Variants in GRIK2 observed in about 807,000 individuals in gnomAD.
The protein encoded by GRIK2 is glutamate ionotropic receptor kainate type subunit 2.
A neutral mutation model predicts 100.3 loss-of-function variants in GRIK2; 32 were observed. That is an observed-to-expected ratio of 0.32 (90% CI 0.24 to 0.43). The LOEUF (loss-of-function observed/expected upper bound fraction) is 0.43. GRIK2 is among the 20% of genes least tolerant of loss of function. GRIK2 has a pLI of 1.00. For synonymous variants in GRIK2, 417 were observed against 389.4 expected, an observed-to-expected ratio of 1.07 and a Z score of -0.83; for missense variants, 843 against 1,114.9, an observed-to-expected ratio of 0.76 and a Z score of 3.47.
intron 2 of GRIK2, among the ~76,000 whole-genome samples, chr6:101,559,086 G>T (rs1776876124): frequency 6.6e-6 from 1 of 151,858 alleles, no homozygotes; most frequent in African/African-American, 2.4e-5. Context: ...TAAAATACTT[G>T]CTGTGTCTTC....
intron 2 of GRIK2, among the ~76,000 whole-genome samples, chr6:101,429,424 T>A (rs1344408101): frequency 6.6e-6 from 1 of 152,224 alleles, no homozygotes; most frequent in African/African-American, 2.4e-5. Context: ...TTCAGCAGGG[T>A]AATTCACAGC....
chr6:101,789,879 C>A (rs1281184640), intron 7 of GRIK2, among the ~76,000 whole-genome samples: 1 of 152,132 alleles, frequency 6.6e-6, no homozygotes, highest in Non-Finnish European at 1.5e-5. Context: ...TCTTTTATTT[C>A]ATTGAGCAGT....
chr6:101,705,605 T>C (rs2128355356), intron 7 of GRIK2, among the ~76,000 whole-genome samples: 1 of 151,920 alleles, frequency 6.6e-6, no homozygotes, highest in East Asian at 1.9e-4. Flanking sequence ...GTGGTGGAAT[T>C]TTTCCTGAAA....
chr6:101,435,722 A>T (rs1769677883), intron 2 of GRIK2, among the ~76,000 whole-genome samples: 1 of 151,600 alleles, frequency 6.6e-6, no homozygotes, highest in Admixed American at 6.6e-5. Flanking sequence ...TCTTTTCAGA[A>T]CCCACTTTCT....
intron 12 of GRIK2, among the ~76,000 whole-genome samples, chr6:101,903,114 T>C (rs1361735138): frequency 1.3e-5 from 2 of 151,942 alleles, no homozygotes; most frequent in Non-Finnish European, 2.9e-5. Flanking sequence ...AAGAGCAACC[T>C]GCAAAAGTCT....
At chr6:101,810,436 G>A (rs1019691683) in intron 9 of GRIK2, among the ~76,000 whole-genome samples, 2 of 151,788 alleles carry the variant, frequency 1.3e-5, no homozygotes, top group South Asian at 4.1e-4. Flanking sequence ...TATAGTTCTC[G>A]AATGGTAAAA....
intron 14 of GRIK2, among the ~76,000 whole-genome samples, chr6:102,028,661 T>A (rs547006220): frequency 9.0e-5 from 13 of 144,530 alleles, no homozygotes; most frequent in Non-Finnish European, 1.9e-4. Flanking sequence ...TTTAATTGAT[T>A]CTCTTGGCTT....
chr6:101,515,798 T>C (rs1203141721), intron 2 of GRIK2, among the ~76,000 whole-genome samples: 1 of 152,204 alleles, frequency 6.6e-6, no homozygotes, highest in Non-Finnish European at 1.5e-5. Context: ...TTGAGTTTGT[T>C]GTAGATTATG....
chr6:102,044,066 G>A (rs909495885), intron 15 of GRIK2, among the ~76,000 whole-genome samples: 14 of 151,702 alleles, frequency 9.2e-5, no homozygotes, highest in Non-Finnish European at 1.6e-4. Context: ...CTCATACAGA[G>A]GAATACCATT....
intron 2 of GRIK2, among the ~76,000 whole-genome samples, chr6:101,539,766 A>C (rs553898640): frequency 6.6e-6 from 1 of 151,864 alleles, no homozygotes; most frequent in African/African-American, 2.4e-5. Flanking sequence ...ACATGAAAAA[A>C]ATTTTGTTTT....
intron 7 of GRIK2, among the ~76,000 whole-genome samples, chr6:101,753,713 T>C (rs1018847964): frequency 2.0e-5 from 3 of 152,082 alleles, no homozygotes; most frequent in Non-Finnish European, 2.9e-5. Flanking sequence ...GTGGGTCTTC[T>C]ATTTTTGCTG....
intron 2 of GRIK2, among the ~76,000 whole-genome samples, chr6:101,414,851 T>C (rs972908456): frequency 3.3e-5 from 5 of 152,082 alleles, no homozygotes; most frequent in Admixed American, 6.6e-5. Flanking sequence ...GTAGAAGATA[T>C]GGGATATGCA....
At chr6:101,723,921 T>G (rs1479883658) in intron 7 of GRIK2, among the ~76,000 whole-genome samples, 2 of 151,930 alleles carry the variant, frequency 1.3e-5, no homozygotes, top group Non-Finnish European at 2.9e-5. Flanking sequence ...GTTATCTTTT[T>G]CTTATTTTAG....
chr6:101,538,305 C>T (rs193058095), intron 2 of GRIK2, among the ~76,000 whole-genome samples: 21 of 151,692 alleles, frequency 1.4e-4, no homozygotes, highest in Non-Finnish European at 2.7e-4. Flanking sequence ...AAAAACTATC[C>T]TGATCTCTGT....
At chr6:101,453,480 A>G (rs1467003528) in intron 2 of GRIK2, among the ~76,000 whole-genome samples, 2 of 152,008 alleles carry the variant, frequency 1.3e-5, no homozygotes, top group Non-Finnish European at 2.9e-5. Context: ...TTATGCTCTT[A>G]TTACGGTTTA....
chr6:101,869,924 T>C (rs578057550), intron 11 of GRIK2, among the ~76,000 whole-genome samples: 1 of 152,046 alleles, frequency 6.6e-6, no homozygotes, highest in South Asian at 2.1e-4. Flanking sequence ...GATTTTGGTT[T>C]TATTATATCT....
intron 4 of GRIK2, among the ~76,000 whole-genome samples, chr6:101,673,929 A>G (rs1040284572): frequency 9.2e-5 from 14 of 152,174 alleles, no homozygotes; most frequent in African/African-American, 2.9e-4. Flanking sequence ...GTTCTACCCA[A>G]TGTTGAGAAC....
intron 12 of GRIK2, among the ~76,000 whole-genome samples, chr6:101,894,745 T>C (rs1787330330): frequency 6.6e-6 from 1 of 151,776 alleles, no homozygotes; most frequent in African/African-American, 2.4e-5. Context: ...AAAATGTTTA[T>C]AAAATGACTC....
chr6:101,808,840 A>C (rs1781156705), intron 9 of GRIK2, among the ~76,000 whole-genome samples: 1 of 152,088 alleles, frequency 6.6e-6, no homozygotes, highest in Non-Finnish European at 1.5e-5. Context: ...GGGACTATAA[A>C]AAACAATCAC....
Sources: gnomAD v4.1 joint callset for allele counts (sites outside exome capture counted in the v4.1 genomes callset) on GRCh38, gnomAD v4.1.1 for gene constraint, MANE v1.5 for transcripts, NCBI Gene and HGNC (gene_info 2026-07-23, HGNC 2026-07-21) for gene names.